NRXN1: variants seen among roughly 807,000 people sequenced by gnomAD.
NRXN1 encodes the protein neurexin-1.
In NRXN1, 39 loss-of-function variants were observed where a neutral mutation model predicts 150.9. That is an observed-to-expected ratio of 0.26 (90% CI 0.20 to 0.34). The LOEUF (loss-of-function observed/expected upper bound fraction) is 0.34, where lower values mean the gene tolerates loss of function less well. Among genes scored for constraint, NRXN1 ranks in the 10% least tolerant of loss-of-function variants. The probability of loss-of-function intolerance (pLI) is 1.00; values close to 1 mark genes in which losing one functional copy is unlikely to be tolerated. For missense variants in NRXN1, 1,815 were observed against 1,949.9 expected (o/e 0.93, Z 1.30); for synonymous variants, 924 against 757.0 (o/e 1.22, Z -3.62).
At chr2:50,542,589 A>T (rs575880039) in intron 9 of NRXN1, among the ~76,000 whole-genome samples, 1 of 152,336 alleles carries the variant, frequency 6.6e-6, no homozygotes, top group African/African-American at 2.4e-5. Context: ...TGTAAAAGAG[A>T]TGGCAAATAA....
At chr2:50,894,802 T>C (rs914956092) in intron 5 of NRXN1, among the ~76,000 whole-genome samples, 1 of 152,192 alleles carries the variant, frequency 6.6e-6, no homozygotes, top group Admixed American at 6.5e-5. Context: ...TCTACATTTT[T>C]AAATTAATTA....
At chr2:50,057,892 A>G (rs1279897958) in intron 19 of NRXN1, among the ~76,000 whole-genome samples, 1 of 152,122 alleles carries the variant, frequency 6.6e-6, no homozygotes, top group Non-Finnish European at 1.5e-5. Context: ...ACATCTCTAC[A>G]ATCAGTTCAT....
At chr2:50,902,183 T>C (rs1249517757) in intron 5 of NRXN1, among the ~76,000 whole-genome samples, 1 of 152,140 alleles carries the variant, frequency 6.6e-6, no homozygotes, top group Non-Finnish European at 1.5e-5. Flanking sequence ...CTCATCAGCA[T>C]CTAGAAATAT....
At chr2:50,553,640 G>C (rs1344616332) in intron 8 of NRXN1, among the ~76,000 whole-genome samples, 1 of 152,208 alleles carries the variant, frequency 6.6e-6, no homozygotes, top group East Asian at 1.9e-4. Context: ...CAATACCTTT[G>C]AATACTGTTA....
intron 17 of NRXN1, among the ~76,000 whole-genome samples, chr2:50,311,636 T>G (rs755221892): frequency 2.6e-5 from 4 of 152,126 alleles, no homozygotes; most frequent in Non-Finnish European, 5.9e-5. Context: ...TGCTATCTCA[T>G]GATGACCTTT....
At chr2:49,982,286 T>G (rs1680113898) in intron 21 of NRXN1, among the ~76,000 whole-genome samples, 1 of 152,106 alleles carries the variant, frequency 6.6e-6, no homozygotes, top group Non-Finnish European at 1.5e-5. Flanking sequence ...GATGGTAGAG[T>G]TAATTATTTT....
intron 17 of NRXN1, among the ~76,000 whole-genome samples, chr2:50,410,128 A>G (rs1382236928): frequency 2.0e-5 from 3 of 152,152 alleles, no homozygotes; most frequent in Non-Finnish European, 4.4e-5. Context: ...GCAAGGATGT[A>G]GAAACTCGAC....
chr2:50,013,223 C>G (rs953513604), intron 21 of NRXN1, among the ~76,000 whole-genome samples: 4 of 149,406 alleles, frequency 2.7e-5, no homozygotes, highest in Non-Finnish European at 5.9e-5. Flanking sequence ...TTTGTAAATA[C>G]TACAAAGGGG....
intron 5 of NRXN1, among the ~76,000 whole-genome samples, chr2:50,903,436 GTAAC>G (rs1165049204): frequency 2.0e-5 from 3 of 152,140 alleles, no homozygotes; most frequent in Non-Finnish European, 2.9e-5. Context: ...GGTCTTGGAG[GTAAC>G]TAACTGTTAA....
chr2:50,699,407 G>A (rs543374873), intron 5 of NRXN1, among the ~76,000 whole-genome samples: 4 of 152,262 alleles, frequency 2.6e-5, no homozygotes, highest in African/African-American at 9.6e-5. Flanking sequence ...GATTATCTGA[G>A]TGGATCAACT....
At chr2:50,050,159 C>CTTTTT (rs35146990) in intron 21 of NRXN1, among the ~76,000 whole-genome samples, 6,371 of 141,634 alleles carry the variant, frequency 0.045, 447 homozygotes, top group African/African-American at 0.15. Context: ...AGCAAAACTT[C>CTTTTT]TTTTTTTTTT....
intron 2 of NRXN1, among the ~76,000 whole-genome samples, chr2:51,007,717 G>A (rs544587309): frequency 6.6e-6 from 1 of 151,906 alleles, no homozygotes; most frequent in African/African-American, 2.4e-5. Context: ...TAAATCCTGA[G>A]ATAAAATATT....
intron 2 of NRXN1, among the ~76,000 whole-genome samples, chr2:50,930,331 T>A (rs1415665856): frequency 6.6e-6 from 1 of 151,992 alleles, no homozygotes; most frequent in Non-Finnish European, 1.5e-5. Flanking sequence ...AAGACATTTG[T>A]GGTATTTAAT....
intron 5 of NRXN1, among the ~76,000 whole-genome samples, chr2:50,906,676 T>G (rs1190635313): frequency 6.6e-6 from 1 of 152,112 alleles, no homozygotes; most frequent in Non-Finnish European, 1.5e-5. Flanking sequence ...GTTTCATCCT[T>G]TAGGTTCCCT....
chr2:50,299,440 A>T (rs1176964229), intron 17 of NRXN1, among the ~76,000 whole-genome samples: 2 of 151,304 alleles, frequency 1.3e-5, no homozygotes, highest in African/African-American at 4.9e-5. Context: ...CTGACTTCTA[A>T]ATTTATTTTT....
In NRXN1 at chr2:51,017,503, C is replaced by CTTTTTTTTTTTTTTTTTTTTT. The variant is rs70958638; in HGVS notation, c.772+9978_772+9998dup. On this transcript the variant is annotated intron_variant, in intron 2 of 22. Transcript: ENST00000401669. ...ATACACGTATGGCCACCACATCTGG[C>CTTTTTTTTTTTTTTTTTTTTT]TTTTTTTTTTTTTTTTTTTTTTTTT... 6.8e-5 allele frequency among the ~76,000 whole-genome samples: 3 copies of CTTTTTTTTTTTTTTTTTTTTT among 44,302 alleles called. 1 individual carries two copies. Among genetic ancestry groups the CTTTTTTTTTTTTTTTTTTTTT allele is most frequent in the Non-Finnish European group, 7.6e-5 (2 of 26,326 alleles). 29.1% of individuals were successfully genotyped at this position (44,302 alleles called of 152,430 possible).
intron 5 of NRXN1, among the ~76,000 whole-genome samples, chr2:50,795,450 C>T (rs1706680310): frequency 6.6e-6 from 1 of 152,070 alleles, no homozygotes; most frequent in Non-Finnish European, 1.5e-5. Flanking sequence ...AAAGATCAAT[C>T]CACTCCAACC....
chr2:50,275,939 C>T (rs534455142), intron 17 of NRXN1, among the ~76,000 whole-genome samples: 1 of 143,176 alleles, frequency 7.0e-6, no homozygotes, highest in Admixed American at 7.4e-5. Flanking sequence ...TGTTCAATCA[C>T]TGTTTTTGAT....
chr2:50,625,188 C>T (rs533627168), intron 5 of NRXN1, among the ~76,000 whole-genome samples: 4 of 152,070 alleles, frequency 2.6e-5, no homozygotes, highest in Non-Finnish European at 5.9e-5. Flanking sequence ...AAATAACTCA[C>T]GTCCTGGAAT....
Sources: allele counts gnomAD v4.1 joint callset (sites outside exome capture counted in the v4.1 genomes callset), GRCh38; gene constraint gnomAD v4.1.1; transcripts MANE v1.5; gene names NCBI Gene and HGNC (gene_info 2026-07-23, HGNC 2026-07-21).